Variants in CCAR1 observed in about 807,000 individuals in gnomAD.
CCAR1 encodes cell division cycle and apoptosis regulator 1, also known as cell division cycle and apoptosis regulator protein 1.
Under a neutral mutation model 163.8 loss-of-function variants are expected in CCAR1, and 78 were observed. That is an observed-to-expected ratio of 0.48 (90% CI 0.40 to 0.57). The LOEUF is 0.57. Among genes scored for constraint, CCAR1 ranks in the 20% least tolerant of loss-of-function variants. The pLI is 0.00. For synonymous variants in CCAR1, 443 were observed against 460.7 expected, an observed-to-expected ratio of 0.96 and a Z score of 0.49; for missense variants, 1,019 against 1,365.2, an observed-to-expected ratio of 0.75 and a Z score of 4.00.
chr10:68,724,415 A>G (rs1042493955), intron 2 of CCAR1, among the ~76,000 whole-genome samples: 3 of 152,120 alleles, frequency 2.0e-5, no homozygotes, highest in Non-Finnish European at 4.4e-5. Context: ...GAGTGAGCTG[A>G]TATCGCAACG....
intron 2 of CCAR1, among the ~76,000 whole-genome samples, chr10:68,736,078 C>T (rs1589156820): frequency 6.6e-6 from 1 of 152,136 alleles, no homozygotes; most frequent in African/African-American, 2.4e-5. Context: ...GTCTCGAACT[C>T]TTGACCTCAG....
At chr10:68,765,148 T>A (rs1427217536) in intron 16 of CCAR1, among the ~76,000 whole-genome samples, 1 of 152,208 alleles carries the variant, frequency 6.6e-6, no homozygotes, top group Non-Finnish European at 1.5e-5. Flanking sequence ...TACCTGGGCG[T>A]TCTCCTATGT....
At chr10:68,790,976 T>A (rs2056846336) in intron 24 of CCAR1, among the ~76,000 whole-genome samples, 1 of 150,106 alleles carries the variant, frequency 6.7e-6, no homozygotes, top group Non-Finnish European at 1.5e-5. Flanking sequence ...GAGATTACAG[T>A]CATGAGCCAC....
intron 4 of CCAR1, among the ~76,000 whole-genome samples, chr10:68,739,811 A>G (rs1256962483): frequency 6.6e-6 from 1 of 152,226 alleles, no homozygotes; most frequent in Admixed American, 6.5e-5. Flanking sequence ...TAGTATTTTG[A>G]TATGATCTAA....
chr10:68,751,955 C>G (rs1337675182), intron 10 of CCAR1, among the ~76,000 whole-genome samples: 3 of 137,118 alleles, frequency 2.2e-5, no homozygotes, highest in African/African-American at 5.5e-5. Flanking sequence ...CTTGCTCTGT[C>G]GCCCAGGCTG....
intron 19 of CCAR1, among the ~76,000 whole-genome samples, chr10:68,773,633 T>G (rs2056628766): frequency 6.6e-6 from 1 of 151,814 alleles, no homozygotes; most frequent in African/African-American, 2.4e-5. Flanking sequence ...GCCATTGCAC[T>G]CCAGTCTGGG....
rs573448595 is a variant in CCAR1 at position 68,745,437 on chromosome 10, G to A, written c.519-1724G>A. Among the ~76,000 whole-genome samples, 5 of 151,368 alleles carry A rather than the reference G, an allele frequency of 3.3e-5. No individual in the cohort carries two copies. The East Asian group carries it at 9.8e-4, about 30-fold the overall frequency. ...CTGCTTCAGCCTCTGAAGTAGCTGG[G>A]ACTCTAGGCCCATGCTACCACGTCC... On this transcript the variant is annotated intron_variant, in intron 6 of 24. Transcript: ENST00000265872.
intron 2 of CCAR1, among the ~76,000 whole-genome samples, chr10:68,727,457 C>T (rs1459638231): frequency 6.6e-6 from 1 of 152,008 alleles, no homozygotes; most frequent in Non-Finnish European, 1.5e-5. Context: ...AGTGTTAGGA[C>T]CTCAGAATTG....
rs1299948916 is a variant in CCAR1, at chr10:68,755,443, C to T, written c.1532C>T (p.Pro511Leu). The change falls in exon 13 of 25, where the codon CCA becomes CTA. Residue 511 changes from proline (P) to leucine (L), a missense_variant. By Grantham distance (98) the Pro-to-Leu change is moderately conservative. Coordinates refer to ENST00000265872, the MANE Select transcript of CCAR1 (RefSeq NM_018237.4). Reference sequence around the variant, plus strand: ...CACTGGTCTCCTTCGTTGGATGGACCAGACCCAGAAAAAGATCCCTCTGTG... The same window carrying T: ...CACTGGTCTCCTTCGTTGGATGGACTAGACCCAGAAAAAGATCCCTCTGTG... ...GGHWSPSLDG[P>L]DPEKDPSVLI... 1 of 1,614,008 alleles carries T rather than the reference C, an allele frequency of 6.2e-7. No individual in the cohort carries two copies. Among genetic ancestry groups the T allele is most frequent in the Non-Finnish European group, 8.5e-7 (1 of 1,179,964 alleles).
intron 15 of CCAR1, chr10:68,759,447 G>A (rs1186705677): frequency 6.5e-6 from 1 of 153,906 alleles, no homozygotes; most frequent in East Asian, 1.9e-4. Context: ...TAAGGTTGCA[G>A]CTGGGCACAA....
intron 17 of CCAR1, among the ~76,000 whole-genome samples, chr10:68,768,041 A>G (rs980515938): frequency 2.6e-5 from 4 of 152,032 alleles, no homozygotes; most frequent in African/African-American, 9.7e-5. Flanking sequence ...ATGTTCTTTT[A>G]TTTTCTAAAT....
chr10:68,755,163 TA>T lies in CCAR1; in HGVS notation c.1459-203del, dbSNP rs745601185. ...AAGAACTCTATCTGAAGAAATATTT[TA>T]AAAGGATGAGTTATGATGTGTGTAA... On this transcript the variant is annotated intron_variant, in intron 12 of 24. Transcript: ENST00000265872. The T allele has an allele frequency of 1.1e-5, 8 of 740,088 alleles. 1 individual carries two copies. The South Asian group carries it at 1.1e-4, about 10-fold the overall frequency. The allele number at this position is 740,088 out of a possible 1,614,324, so 45.8% of individuals were successfully genotyped here.
intron 5 of CCAR1, among the ~76,000 whole-genome samples, chr10:68,741,828 T>C (rs976428267): frequency 5.9e-5 from 9 of 152,174 alleles, no homozygotes; most frequent in African/African-American, 1.7e-4. Flanking sequence ...TGTACTGTAT[T>C]TTTAGTCTTG....
chr10:68,770,944 G>T (rs1482346445), intron 17 of CCAR1, among the ~76,000 whole-genome samples: 1 of 152,080 alleles, frequency 6.6e-6, no homozygotes. Context: ...CGGGCGTGGT[G>T]GCGGGCGCCT....
chr10:68,782,035 AAAGTGCTACTC>A (rs1242689389), intron 19 of CCAR1, among the ~76,000 whole-genome samples: 1 of 152,160 alleles, frequency 6.6e-6, no homozygotes, highest in African/African-American at 2.4e-5. Context: ...AAGGAAACTC[AAAGTGCTACTC>A]CAGTGAACAT....
intron 2 of CCAR1, among the ~76,000 whole-genome samples, chr10:68,729,335 T>C (rs2055999705): frequency 6.6e-6 from 1 of 151,318 alleles, no homozygotes; most frequent in South Asian, 2.1e-4. Flanking sequence ...AGTGGCGCTA[T>C]CTCGGCTCAC....
intron 16 of CCAR1, among the ~76,000 whole-genome samples, chr10:68,765,633 T>G (rs2056526499): frequency 6.6e-6 from 1 of 152,168 alleles, no homozygotes. Context: ...TAGATAATTT[T>G]TCCCCCTCTT....
chr10:68,757,204 T>G, intron 14 of CCAR1, 90 bp from the exon 15 acceptor site: 1 of 730,054 alleles, frequency 1.4e-6, no homozygotes, highest in Non-Finnish European at 2.3e-6. Flanking sequence ...ATTTGTGACC[T>G]TGCACAGATC....
At chr10:68,727,998 G>A (rs928258482) in intron 2 of CCAR1, among the ~76,000 whole-genome samples, 21 of 151,888 alleles carry the variant, frequency 1.4e-4, no homozygotes, top group African/African-American at 4.6e-4. Flanking sequence ...TACCATACCC[G>A]GCTAATTTTT....
Sources: gnomAD v4.1 joint callset for allele counts (sites outside exome capture counted in the v4.1 genomes callset) on GRCh38, gnomAD v4.1.1 for gene constraint, MANE v1.5 for transcripts, NCBI Gene and HGNC (gene_info 2026-07-23, HGNC 2026-07-21) for gene names.